The following CTNNBIP1 variants were observed in gnomAD, a reference collection of about 807,000 sequenced individuals.
CTNNBIP1 encodes the protein beta-catenin-interacting protein 1.
CTNNBIP1 carries 7 observed loss-of-function variants against 11.8 expected under a neutral mutation model. The observed-to-expected ratio is 0.60, with a 90% CI of 0.34 to 1.12. The LOEUF (loss-of-function observed/expected upper bound fraction) is 1.12, where lower values mean the gene tolerates loss of function less well. Ranked by LOEUF, CTNNBIP1 falls within the 50% of genes most tolerant of loss-of-function variation. CTNNBIP1 has a pLI of 0.03. For missense variants in CTNNBIP1, 101 were observed against 113.4 expected, an observed-to-expected ratio of 0.89 and a Z score of 0.50; for synonymous variants, 58 against 43.9, an observed-to-expected ratio of 1.32 and a Z score of -1.26.
intron 3 of CTNNBIP1, among the ~76,000 whole-genome samples, chr1:9,874,976 G>A (rs1638934533): frequency 6.6e-6 from 1 of 152,194 alleles, no homozygotes; most frequent in Admixed American, 6.5e-5. Flanking sequence ...ATTCTGTCCT[G>A]TGCCTAAGGG....
At chr1:9,899,911 T>C (rs760002236) in intron 1 of CTNNBIP1, among the ~76,000 whole-genome samples, 4 of 151,182 alleles carry the variant, frequency 2.6e-5, no homozygotes, top group Non-Finnish European at 5.9e-5. Flanking sequence ...CCACCTTTAC[T>C]AAACCTACAA....
chr1:9,866,964 G>A (rs1048564116), intron 5 of CTNNBIP1, among the ~76,000 whole-genome samples: 1 of 152,146 alleles, frequency 6.6e-6, no homozygotes, highest in Non-Finnish European at 1.5e-5. Flanking sequence ...GAGTCCTCGG[G>A]CGCCGTGTAC....
intron 1 of CTNNBIP1, among the ~76,000 whole-genome samples, chr1:9,901,206 C>G (rs977194326): frequency 6.6e-6 from 1 of 152,194 alleles, no homozygotes; most frequent in Non-Finnish European, 1.5e-5. Flanking sequence ...ATTTCATATT[C>G]CTGCAGCAGA....
chr1:9,857,702 G>T (rs1638538845), intron 5 of CTNNBIP1, among the ~76,000 whole-genome samples: 1 of 152,148 alleles, frequency 6.6e-6, no homozygotes, highest in African/African-American at 2.4e-5. Context: ...TGGGGAGGCT[G>T]AGGCAAGAGA....
intron 1 of CTNNBIP1, among the ~76,000 whole-genome samples, chr1:9,900,804 T>G (rs1001129263): frequency 5.3e-5 from 8 of 152,146 alleles, no homozygotes; most frequent in Non-Finnish European, 1.0e-4. Context: ...TTCCTGCAAC[T>G]CCAGCGATCG....
intron 1 of CTNNBIP1, among the ~76,000 whole-genome samples, chr1:9,909,603 G>A (rs966650407): frequency 6.6e-6 from 1 of 152,158 alleles, no homozygotes; most frequent in African/African-American, 2.4e-5. Context: ...CGCCATCCAG[G>A]TGAGATATGT....
intron 5 of CTNNBIP1, among the ~76,000 whole-genome samples, chr1:9,854,372 A>G (rs938913551): frequency 6.6e-6 from 1 of 151,244 alleles, no homozygotes; most frequent in African/African-American, 2.4e-5. Context: ...CCATCTCAAA[A>G]AAAAAAAAAA....
chr1:9,850,815 A>T (rs1356902930), intron 5 of CTNNBIP1, 39 bp from the exon 6 acceptor site: 1 of 1,600,900 alleles, frequency 6.2e-7, no homozygotes, highest in Admixed American at 1.7e-5. Flanking sequence ...TGGGGCTTGC[A>T]GCATTGGCTT....
chr1:9,903,367 T>C (rs971266466), intron 1 of CTNNBIP1, among the ~76,000 whole-genome samples: 2 of 152,136 alleles, frequency 1.3e-5, no homozygotes, highest in African/African-American at 4.8e-5. Context: ...TTACAGAAGT[T>C]TCTACACTAC....
chr1:9,901,891 A>G (rs967525563), intron 1 of CTNNBIP1, among the ~76,000 whole-genome samples: 5 of 152,186 alleles, frequency 3.3e-5, no homozygotes, highest in South Asian at 2.1e-4. Flanking sequence ...AACATCGCAC[A>G]AGGATATGCC....
chr1:9,869,942 T>C (rs1570571859), intron 5 of CTNNBIP1, among the ~76,000 whole-genome samples: 2 of 152,254 alleles, frequency 1.3e-5, no homozygotes, highest in East Asian at 3.9e-4. Flanking sequence ...GGCTGCCGCA[T>C]GATCCAGGAG....
intron 5 of CTNNBIP1, among the ~76,000 whole-genome samples, chr1:9,852,096 C>T (rs978796484): frequency 2.6e-5 from 4 of 152,054 alleles, no homozygotes; most frequent in Admixed American, 2.6e-4. Flanking sequence ...GAGGGTGGGC[C>T]AGTGTGGGGA....
intron 1 of CTNNBIP1, among the ~76,000 whole-genome samples, chr1:9,896,741 G>A (rs1247593237): frequency 6.6e-6 from 1 of 151,944 alleles, no homozygotes; most frequent in Non-Finnish European, 1.5e-5. Context: ...GACCAAGGTG[G>A]GCGAATCATG....
intron 5 of CTNNBIP1, among the ~76,000 whole-genome samples, chr1:9,870,768 C>A (rs1429016408): frequency 6.6e-6 from 1 of 152,182 alleles, no homozygotes; most frequent in Non-Finnish European, 1.5e-5. Context: ...GGTCTGTGCT[C>A]AGGACAACAG....
chr1:9,866,432 G>A (rs1381824110), intron 5 of CTNNBIP1, among the ~76,000 whole-genome samples: 2 of 152,128 alleles, frequency 1.3e-5, no homozygotes, highest in East Asian at 1.9e-4. Context: ...GGTGGCTCCC[G>A]CCTGTAATCC....
intron 5 of CTNNBIP1, among the ~76,000 whole-genome samples, chr1:9,858,916 A>G (rs925915856): frequency 1.3e-5 from 2 of 152,178 alleles, no homozygotes; most frequent in Non-Finnish European, 2.9e-5. Context: ...AAAGGAAACC[A>G]CAGACCTCTC....
chr1:9,877,409 G>A (rs533049133), intron 3 of CTNNBIP1, among the ~76,000 whole-genome samples: 2 of 152,290 alleles, frequency 1.3e-5, no homozygotes, highest in African/African-American at 2.4e-5. Context: ...ATCTATGTTA[G>A]AATATTCACT....
chr1:9,904,701 C>T (rs1371454443), intron 1 of CTNNBIP1, among the ~76,000 whole-genome samples: 1 of 152,110 alleles, frequency 6.6e-6, no homozygotes, highest in African/African-American at 2.4e-5. Context: ...ATGTGTGTCG[C>T]TGATGCATTT....
rs556463922 is a variant in CTNNBIP1 at position 9,850,924 on chromosome 1, C to T, written c.188-148G>A. The T allele has an allele frequency of 2.2e-5, 17 of 758,300 alleles. No individual in the cohort carries two copies. In the African/African-American group the frequency reaches 2.6e-4, roughly 11 times the overall value. The allele number at this position is 758,300 out of a possible 1,614,324, so 47.0% of individuals were successfully genotyped here. On this transcript the variant is annotated intron_variant, in intron 5 of 5. Transcript: ENST00000377263. ...ACAAAGTACTTCCGAGGAAGTCTTC[C>T]TCCCCTCTGGTCTTCCCTGCCTCCT...
Sources: gnomAD v4.1 joint callset for allele counts (sites outside exome capture counted in the v4.1 genomes callset) on GRCh38, gnomAD v4.1.1 for gene constraint, MANE v1.5 for transcripts, NCBI Gene and HGNC (gene_info 2026-07-23, HGNC 2026-07-21) for gene names.